Variants in MPP7 observed in about 807,000 individuals in gnomAD.
MPP7 encodes the protein MAGUK p55 scaffold protein 7, also known as MAGUK p55 subfamily member 7.
MPP7 carries 60 observed loss-of-function variants against 76.5 expected under a neutral mutation model. The observed-to-expected ratio is 0.78, with a 90% CI of 0.64 to 0.97. The LOEUF (loss-of-function observed/expected upper bound fraction) is 0.97. MPP7 is among the 50% of genes least tolerant of loss of function. The probability of loss-of-function intolerance (pLI) is 0.00; values close to 1 mark genes in which losing one functional copy is unlikely to be tolerated. For missense variants in MPP7, 641 were observed against 694.0 expected, an observed-to-expected ratio of 0.92 and a Z score of 0.86; for synonymous variants, 237 against 244.5, an observed-to-expected ratio of 0.97 and a Z score of 0.29.
In MPP7 at chr10:28,131,649, C is replaced by A. The variant is rs767641039; in HGVS notation, c.358G>T (p.Asp120Tyr). ...TCAGGCATAGGAGGCAACACTGGGT[C>A]GTAATTCTTCTGAGCCACAGTATCA... Reference protein sequence around the residue: ...VHDTVAQKNYDPVLPPMPEDI... With the variant: ...VHDTVAQKNYYPVLPPMPEDI... Residue 120 changes from aspartate to tyrosine, a missense_variant, in exon 6 of 17, where the codon GAC becomes TAC. Transcript: ENST00000683449. The A allele has an allele frequency of 4.4e-6, 7 of 1,602,890 alleles. No homozygotes were observed. In the Admixed American group the frequency reaches 8.4e-5, roughly 19 times the overall value.
At chr10:28,304,114 C>T (rs188922681), upstream of MPP7, among the ~76,000 whole-genome samples, 128 of 152,238 alleles carry the variant, frequency 8.4e-4, 1 homozygote, top group African/African-American at 2.9e-3. Context: ...GTGATAGAGA[C>T]TTTGAATGGA....
At chr10:28,316,459 A>C (rs929713031) in intron 2 of MPP7, among the ~76,000 whole-genome samples, 1 of 146,586 alleles carries the variant, frequency 6.8e-6, no homozygotes, top group East Asian at 2.0e-4. Flanking sequence ...AAAAAAAAAA[A>C]AAAAAAAAAA....
chr10:28,158,264 CAA>C (rs1409537117), intron 3 of MPP7, among the ~76,000 whole-genome samples: 3 of 152,118 alleles, frequency 2.0e-5, no homozygotes, highest in African/African-American at 4.8e-5. Context: ...TCTCTAGACT[CAA>C]AGAGATGGGT....
intron 12 of MPP7, among the ~76,000 whole-genome samples, chr10:28,076,316 G>A (rs906061972): frequency 4.6e-5 from 7 of 152,130 alleles, no homozygotes; most frequent in African/African-American, 1.2e-4. Context: ...GGGAAAGGGC[G>A]AAAGACATAA....
chr10:28,179,263 C>G (rs1002023753), intron 3 of MPP7, among the ~76,000 whole-genome samples: 1 of 152,128 alleles, frequency 6.6e-6, no homozygotes, highest in Non-Finnish European at 1.5e-5. Flanking sequence ...TTCCCAGAAT[C>G]TTGGAAAATA....
chr10:28,103,483 A>G (rs1281210476), intron 11 of MPP7, among the ~76,000 whole-genome samples: 1 of 152,104 alleles, frequency 6.6e-6, no homozygotes, highest in Non-Finnish European at 1.5e-5. Context: ...TTTTTGCTCA[A>G]ACGTGGCCTT....
chr10:28,056,590 G>T lies in MPP7; in HGVS notation c.1441C>A (p.Pro481Thr). ...VKHLRTLEFK[P>T]YVIFIKPPSI... Reference sequence around the variant, plus strand: ...GGAGGCTTTATAAATATCACATAGGGCTTAAATTCTAGTGTCCTTAAATGC... The same window carrying T: ...GGAGGCTTTATAAATATCACATAGGTCTTAAATTCTAGTGTCCTTAAATGC... Residue 481 changes from proline (P) to threonine (T), a missense_variant, in exon 16 of 17, where the codon CCC (proline) becomes ACC (threonine). Physicochemically the swap from Pro to Thr is conservative, Grantham distance 38. Transcript: ENST00000683449. The T allele has an allele frequency of 6.2e-7, 1 of 1,604,300 alleles. No homozygotes were observed. Among genetic ancestry groups the T allele is most frequent in the Non-Finnish European group, 8.5e-7 (1 of 1,177,708 alleles).
At chr10:28,303,109 G>A (rs1253015404), upstream of MPP7, among the ~76,000 whole-genome samples, 2 of 150,138 alleles carry the variant, frequency 1.3e-5, no homozygotes, top group Non-Finnish European at 3.0e-5. Flanking sequence ...TGGAGGGGCG[G>A]GGCGGGGCTG....
At chr10:28,084,485 C>T (rs962535951) in intron 12 of MPP7, among the ~76,000 whole-genome samples, 1 of 152,154 alleles carries the variant, frequency 6.6e-6, no homozygotes, top group African/African-American at 2.4e-5. Context: ...CTCTCTGACC[C>T]CACCTCAGGC....
intron 1 of MPP7, among the ~76,000 whole-genome samples, chr10:28,250,488 C>T (rs987043654): frequency 2.0e-5 from 3 of 152,168 alleles, no homozygotes; most frequent in African/African-American, 4.8e-5. Flanking sequence ...CATCGGCAAA[C>T]ACAGTAATCC....
intron 1 of MPP7, among the ~76,000 whole-genome samples, chr10:28,254,329 G>A (rs1171778371): frequency 2.0e-5 from 3 of 152,052 alleles, no homozygotes; most frequent in African/African-American, 7.2e-5. Flanking sequence ...GAAAGAAAAG[G>A]GCCCAACAAA....
intron 1 of MPP7, among the ~76,000 whole-genome samples, chr10:28,286,133 A>G (rs1009904883): frequency 3.3e-5 from 5 of 152,228 alleles, no homozygotes; most frequent in Admixed American, 2.6e-4. Context: ...TCACAAGGTC[A>G]GGAGTTCGAG....
intron 3 of MPP7, among the ~76,000 whole-genome samples, chr10:28,196,564 A>T (rs1050901846): frequency 1.3e-5 from 2 of 152,058 alleles, no homozygotes; most frequent in African/African-American, 4.8e-5. Flanking sequence ...CAAAACTAAA[A>T]TTACCTCTCA....
intron 1 of MPP7, among the ~76,000 whole-genome samples, chr10:28,262,259 GT>G (rs1840008590): frequency 7.2e-5 from 1 of 13,846 alleles, no homozygotes. Context: ...ATATATATAT[GT>G]ATATATATAT....
At chr10:28,322,380 A>G (rs1215199771) in intron 2 of MPP7, among the ~76,000 whole-genome samples, 1 of 152,150 alleles carries the variant, frequency 6.6e-6, no homozygotes, top group Non-Finnish European at 1.5e-5. Flanking sequence ...TTCTAAAAAA[A>G]TAAAATAAAA....
intron 11 of MPP7, among the ~76,000 whole-genome samples, chr10:28,096,960 T>C (rs1308882407): frequency 1.3e-5 from 2 of 152,214 alleles, no homozygotes; most frequent in East Asian, 3.9e-4. Flanking sequence ...AAGGTGATTC[T>C]TGGTCTAAAT....
intron 3 of MPP7, among the ~76,000 whole-genome samples, chr10:28,183,892 G>A (rs1588895002): frequency 2.6e-5 from 4 of 152,260 alleles, no homozygotes; most frequent in Admixed American, 6.5e-5. Context: ...GTATAGCATG[G>A]AACACAGCTA....
intron 11 of MPP7, among the ~76,000 whole-genome samples, chr10:28,113,401 G>A (rs1347418860): frequency 6.6e-6 from 1 of 152,068 alleles, no homozygotes; most frequent in African/African-American, 2.4e-5. Flanking sequence ...GCTATTTCAC[G>A]TTGCCTCCTC....
At chr10:28,227,350 A>G (rs112991656) in intron 2 of MPP7, among the ~76,000 whole-genome samples, 26,391 of 152,100 alleles carry the variant, frequency 0.17, 2,597 homozygotes, top group African/African-American at 0.26. Context: ...TGCAGGACGT[A>G]CAGGTTTGTT....
Sources: gnomAD v4.1 joint callset for allele counts (sites outside exome capture counted in the v4.1 genomes callset) on GRCh38, gnomAD v4.1.1 for gene constraint, MANE v1.5 for transcripts, NCBI Gene and HGNC (gene_info 2026-07-23, HGNC 2026-07-21) for gene names.